Variants in FBXL13 observed in about 807,000 individuals in gnomAD.
FBXL13 encodes F-box and leucine rich repeat protein 13, also known as F-box and leucine-rich repeat protein 13.
Under a neutral mutation model 83.6 loss-of-function variants are expected in FBXL13, and 67 were observed. That is an observed-to-expected ratio of 0.80 (90% CI 0.66 to 0.98). The LOEUF (loss-of-function observed/expected upper bound fraction) is 0.98, where lower values mean the gene tolerates loss of function less well. Among genes scored for constraint, FBXL13 ranks in the 50% least tolerant of loss-of-function variants. The probability of loss-of-function intolerance (pLI) is 0.00; values close to 1 mark genes in which losing one functional copy is unlikely to be tolerated. For synonymous variants in FBXL13, 272 were observed against 299.5 expected, an observed-to-expected ratio of 0.91 and a Z score of 0.95; for missense variants, 822 against 866.5, an observed-to-expected ratio of 0.95 and a Z score of 0.64.
At chr7:102,891,098 A>G (rs558535507) in intron 11 of FBXL13, among the ~76,000 whole-genome samples, 14 of 152,318 alleles carry the variant, frequency 9.2e-5, no homozygotes, top group African/African-American at 3.4e-4. Flanking sequence ...CTTTAATAGC[A>G]ACACTTCCTA....
chr7:102,843,398 G>A lies in FBXL13; in HGVS notation c.1720-10424C>T, dbSNP rs117556300. 0.014 allele frequency among the ~76,000 whole-genome samples: 2,134 copies of A among 152,052 alleles called. 119 individuals are homozygous for A. In the East Asian group the frequency reaches 0.16, roughly 11 times the overall value. On this transcript the variant is annotated intron_variant, in intron 17 of 19. Coordinates refer to ENST00000313221, the Ensembl canonical transcript of FBXL13. The stretch of plus-strand genomic sequence containing the variant: ...GCAGAGGTTGCAGTGAGCCAACATC[G>A]CACCACTCCAGACTGGGCAAAAAGA...
intron 17 of FBXL13, among the ~76,000 whole-genome samples, chr7:102,835,372 G>C (rs1268575400): frequency 2.0e-5 from 3 of 152,138 alleles, no homozygotes; most frequent in African/African-American, 4.8e-5. Context: ...TGAATTATTG[G>C]AATCAGTGGC....
In FBXL13 at chr7:102,958,126, G is replaced by C. The variant is rs1824577756; in HGVS notation, c.724+5407C>G. 2.0e-5 allele frequency among the ~76,000 whole-genome samples: 3 copies of C among 152,024 alleles called. 1 individual carries two copies. The South Asian group carries it at 6.2e-4, about 31-fold the overall frequency. ...GCACTATTCACAATACCAAAGACTTGGAACCAACCCAAATGCCCATCAATG... is the reference window on the plus strand; with the variant it reads ...GCACTATTCACAATACCAAAGACTTCGAACCAACCCAAATGCCCATCAATG... On this transcript the variant is annotated intron_variant, in intron 8 of 19. Coordinates refer to ENST00000313221, the Ensembl canonical transcript of FBXL13.
chr7:103,000,623 A>C (rs995199869), intron 6 of FBXL13, among the ~76,000 whole-genome samples: 3 of 152,036 alleles, frequency 2.0e-5, no homozygotes, highest in Admixed American at 6.6e-5. Flanking sequence ...GCATAATATC[A>C]CTCCAATGTT....
Position 103,044,229 on chromosome 7 carries a change from A to G in FBXL13, c.-1+11415T>C, listed in dbSNP as rs143579134. ...ACAAATTACCCGTTTCCTTCAATAA[A>G]TAAGTCGCATGCAGAAAAAATAAGA... On this transcript the variant is annotated intron_variant, in intron 2 of 19. Transcript: ENST00000313221. Among the ~76,000 whole-genome samples the G allele has an allele frequency of 7.6e-3, 1,160 of 152,344 alleles. 11 individuals are homozygous for G. Among genetic ancestry groups the G allele is most frequent in the Non-Finnish European group, 0.01 (692 of 68,030 alleles).
At chr7:102,950,073 C>A (rs1823174563) in intron 8 of FBXL13, among the ~76,000 whole-genome samples, 1 of 152,058 alleles carries the variant, frequency 6.6e-6, no homozygotes, top group African/African-American at 2.4e-5. Flanking sequence ...CCACTATATT[C>A]CAGTCTGGGC....
chr7:103,054,074 T>C (rs1313043439), intron 2 of FBXL13, among the ~76,000 whole-genome samples: 1 of 152,064 alleles, frequency 6.6e-6, no homozygotes, highest in Admixed American at 6.6e-5. Flanking sequence ...TGCCTGGACC[T>C]ACCAGACAAC....
intron 2 of FBXL13, chr7:103,050,110 C>T (rs1396855838): frequency 2.6e-5 from 4 of 152,178 alleles, no homozygotes; most frequent in Non-Finnish European, 5.9e-5. Context: ...TATGACAGAA[C>T]AATACAGAAA....
chr7:103,068,717 C>T (rs568902184), intron 1 of FBXL13, among the ~76,000 whole-genome samples: 37 of 152,090 alleles, frequency 2.4e-4, no homozygotes, highest in East Asian at 1.2e-3. Flanking sequence ...GGTGGTGGCA[C>T]GGGGGTAACA....
chr7:102,964,784 A>G (rs1825802703), intron 7 of FBXL13, among the ~76,000 whole-genome samples: 1 of 152,196 alleles, frequency 6.6e-6, no homozygotes, highest in Non-Finnish European at 1.5e-5. Context: ...GTAATCATAC[A>G]TGTATACAAT....
intron 11 of FBXL13, among the ~76,000 whole-genome samples, chr7:102,896,754 T>A (rs1303031845): frequency 6.6e-6 from 1 of 152,214 alleles, no homozygotes; most frequent in Non-Finnish European, 1.5e-5. Flanking sequence ...GCCATCATAC[T>A]GGATTAGGTT....
At chr7:102,992,532 C>T (rs377266350) in intron 6 of FBXL13, among the ~76,000 whole-genome samples, 3 of 152,178 alleles carry the variant, frequency 2.0e-5, no homozygotes, top group African/African-American at 7.2e-5. Flanking sequence ...AAGGGTGGTC[C>T]TGCTAAAATT....
intron 16 of FBXL13, among the ~76,000 whole-genome samples, chr7:102,864,557 T>A (rs1005474176): frequency 4.6e-5 from 7 of 152,054 alleles, no homozygotes; most frequent in African/African-American, 1.7e-4. Flanking sequence ...TTAGTAGAGA[T>A]GGGCTTTCAC....
At chr7:102,955,575 C>A (rs7456502) in intron 8 of FBXL13, among the ~76,000 whole-genome samples, 79,457 of 148,148 alleles carry the variant, frequency 0.54, 23,302 homozygotes, top group Non-Finnish European at 0.65. Flanking sequence ...AAAAACCATT[C>A]AAAAAAAAAC....
At chr7:102,860,570 G>A (rs115544059) in intron 16 of FBXL13, among the ~76,000 whole-genome samples, 129 of 152,200 alleles carry the variant, frequency 8.5e-4, no homozygotes, top group African/African-American at 2.9e-3. Context: ...ACATTTGAGA[G>A]CAGACAAATC....
chr7:102,963,579 C>T, exon 8 of FBXL13: 11 of 1,612,812 alleles, frequency 6.8e-6, no homozygotes, highest in Non-Finnish European at 9.3e-6. Flanking sequence ...CACGAAAATT[C>T]AAACGCAGCA....
chr7:103,045,567 T>A (rs1796189668), intron 2 of FBXL13, among the ~76,000 whole-genome samples: 1 of 152,248 alleles, frequency 6.6e-6, no homozygotes, highest in South Asian at 2.1e-4. Flanking sequence ...GGACCCTTTA[T>A]GGGTACCTCT....
chr7:102,852,228 A>G (rs1395258335), intron 17 of FBXL13, among the ~76,000 whole-genome samples: 2 of 152,180 alleles, frequency 1.3e-5, no homozygotes, highest in Non-Finnish European at 2.9e-5. Context: ...TGGAGACCTA[A>G]CTAAGAGCCT....
chr7:102,826,082 G>T (rs1205243217), intron 18 of FBXL13, among the ~76,000 whole-genome samples: 3 of 152,112 alleles, frequency 2.0e-5, no homozygotes, highest in Non-Finnish European at 4.4e-5. Flanking sequence ...ATACAAAAGA[G>T]AACTTGACTG....
Sources: allele counts gnomAD v4.1 joint callset (sites outside exome capture counted in the v4.1 genomes callset), GRCh38; gene constraint gnomAD v4.1.1; transcripts MANE v1.5; gene names NCBI Gene and HGNC (gene_info 2026-07-23, HGNC 2026-07-21).